GPHN: variants seen among roughly 807,000 people sequenced by gnomAD.
GPHN encodes the protein gephyrin.
GPHN carries 17 observed loss-of-function variants against 95.5 expected under a neutral mutation model. That is an observed-to-expected ratio of 0.18 (90% confidence interval 0.12 to 0.27). The LOEUF is 0.27. GPHN is among the 10% of genes least tolerant of loss of function. GPHN has a pLI of 1.00. For missense variants in GPHN, 660 were observed against 978.1 expected (o/e 0.67, Z 4.34); for synonymous variants, 320 against 322.5 (o/e 0.99, Z 0.08).
At chr14:66,615,435 T>C (rs898911232) in intron 1 of GPHN, among the ~76,000 whole-genome samples, 2 of 151,822 alleles carry the variant, frequency 1.3e-5, no homozygotes, top group Non-Finnish European at 2.9e-5. Context: ...CTCATTGTGG[T>C]TTTGATTTGC....
the GPHN span, among the ~76,000 whole-genome samples, chr14:67,296,336 C>T: frequency 1.3e-5 from 2 of 152,052 alleles, no homozygotes; most frequent in East Asian, 1.9e-4. Context: ...TGCAGTGGCT[C>T]ACGCCTGTAA....
intron 1 of GPHN, among the ~76,000 whole-genome samples, chr14:66,600,915 G>A (rs947563242): frequency 2.0e-5 from 3 of 151,960 alleles, no homozygotes; most frequent in Non-Finnish European, 2.9e-5. Context: ...AAAGTGCTAC[G>A]AATATTGATG....
At chr14:66,638,645 T>C (rs1308491195) in intron 1 of GPHN, among the ~76,000 whole-genome samples, 1 of 152,190 alleles carries the variant, frequency 6.6e-6, no homozygotes, top group East Asian at 1.9e-4. Context: ...ACCCCATCTT[T>C]GTAGTCTCCT....
intron 1 of GPHN, among the ~76,000 whole-genome samples, chr14:66,564,326 T>A (rs1257069013): frequency 6.6e-6 from 1 of 152,102 alleles, no homozygotes; most frequent in East Asian, 1.9e-4. Flanking sequence ...AAAGGAACAT[T>A]TGAATATCAA....
intron 10 of GPHN, among the ~76,000 whole-genome samples, chr14:67,056,134 GC>G (rs1363074615): frequency 6.6e-5 from 10 of 152,242 alleles, no homozygotes; most frequent in Non-Finnish European, 1.5e-4. Context: ...GGCTTGGGCA[GC>G]CTGCTTTTAT....
the GPHN span, among the ~76,000 whole-genome samples, chr14:67,296,584 TCAAAAAAAAAAA>T: frequency 4.2e-5 from 1 of 23,698 alleles, no homozygotes; most frequent in Admixed American, 6.7e-4. Flanking sequence ...AAACTCTGTC[TCAAAAAAAAAAA>T]AAAAAAAAAA....
At chr14:67,096,006 T>C (rs7158228) in intron 12 of GPHN, among the ~76,000 whole-genome samples, 45,223 of 143,588 alleles carry the variant, frequency 0.31, 11,614 homozygotes, top group African/African-American at 0.69. Context: ...ATCTCAGACC[T>C]TGTCCCAGCC....
At chr14:66,736,035 TATG>T (rs1171335204) in intron 2 of GPHN, among the ~76,000 whole-genome samples, 1 of 152,226 alleles carries the variant, frequency 6.6e-6, no homozygotes, top group African/African-American at 2.4e-5. Flanking sequence ...AAAGGCTTTT[TATG>T]GCAATGACTA....
At chr14:66,606,475 T>C (rs748209272) in intron 1 of GPHN, among the ~76,000 whole-genome samples, 9 of 152,198 alleles carry the variant, frequency 5.9e-5, no homozygotes, top group Non-Finnish European at 1.2e-4. Context: ...TTTTGTTCCA[T>C]GTGAATATTA....
chr14:67,515,322 A>C, the GPHN span: 3 of 154,814 alleles, frequency 1.9e-5, no homozygotes, highest in Admixed American at 6.6e-5. Flanking sequence ...CGCCGCGCCT[A>C]GTCCCGCATT....
the GPHN span, among the ~76,000 whole-genome samples, chr14:67,247,613 T>C: frequency 6.6e-6 from 1 of 152,046 alleles, no homozygotes; most frequent in African/African-American, 2.4e-5. Flanking sequence ...AGGGTCTCAC[T>C]CTATCCCCAG....
the GPHN span, among the ~76,000 whole-genome samples, chr14:67,305,594 T>G: frequency 6.6e-6 from 1 of 152,210 alleles, no homozygotes; most frequent in Non-Finnish European, 1.5e-5. Context: ...ACATGTTTTC[T>G]CAACATTTTT....
chr14:66,705,023 A>G (rs1489303697), intron 2 of GPHN, among the ~76,000 whole-genome samples: 1 of 152,254 alleles, frequency 6.6e-6, no homozygotes, highest in African/African-American at 2.4e-5. Flanking sequence ...ACCATTAGAG[A>G]ATACTATAAA....
At chr14:66,589,865 C>G (rs1271208303) in intron 1 of GPHN, among the ~76,000 whole-genome samples, 1 of 152,172 alleles carries the variant, frequency 6.6e-6, no homozygotes, top group African/African-American at 2.4e-5. Flanking sequence ...CACCCGAAAC[C>G]AACAGAATAT....
intron 1 of GPHN, among the ~76,000 whole-genome samples, chr14:66,615,200 G>A (rs989323286): frequency 3.3e-5 from 5 of 152,168 alleles, no homozygotes; most frequent in Non-Finnish European, 5.9e-5. Context: ...ATAGTAGAAT[G>A]ATTTATAATC....
At chr14:66,623,127 G>A (rs938455171) in intron 1 of GPHN, among the ~76,000 whole-genome samples, 1 of 152,212 alleles carries the variant, frequency 6.6e-6, no homozygotes, top group African/African-American at 2.4e-5. Context: ...AGAAGGCAAA[G>A]AGGAGCTTGT....
intron 5 of GPHN, among the ~76,000 whole-genome samples, chr14:66,893,947 T>G (rs543756611): frequency 5.1e-4 from 78 of 152,194 alleles, no homozygotes; most frequent in Middle Eastern, 6.8e-3. Flanking sequence ...CCCAAGGTAA[T>G]TTATAGATTT....
the GPHN span, among the ~76,000 whole-genome samples, chr14:67,513,306 C>G: frequency 6.6e-6 from 1 of 152,194 alleles, no homozygotes; most frequent in Non-Finnish European, 1.5e-5. Flanking sequence ...TCCTGCCTGC[C>G]TGTTAGAATG....
intron 1 of GPHN, among the ~76,000 whole-genome samples, chr14:66,577,873 A>C (rs1488426604): frequency 3.3e-5 from 5 of 152,034 alleles, no homozygotes; most frequent in Non-Finnish European, 2.9e-5. Flanking sequence ...TCTATTTCCC[A>C]GTATCATATC....
Sources: allele counts gnomAD v4.1 joint callset (sites outside exome capture counted in the v4.1 genomes callset), GRCh38; gene constraint gnomAD v4.1.1; transcripts MANE v1.5; gene names NCBI Gene and HGNC (gene_info 2026-07-23, HGNC 2026-07-21).